UGT1A9: variants seen among roughly 807,000 people sequenced by gnomAD.
The protein encoded by UGT1A9 is UDP glucuronosyltransferase family 1 member A9.
UGT1A9 carries 35 observed loss-of-function variants against 45.0 expected under a neutral mutation model. The observed-to-expected ratio is 0.78, with a 90% CI of 0.59 to 1.03. The LOEUF (loss-of-function observed/expected upper bound fraction) is 1.03. UGT1A9 is among the 50% of genes least tolerant of loss of function. The probability of loss-of-function intolerance (pLI) is 0.00; values close to 1 mark genes in which losing one functional copy is unlikely to be tolerated. For missense variants in UGT1A9, 687 were observed against 666.6 expected (o/e 1.03, Z -0.34); for synonymous variants, 278 against 250.6 (o/e 1.11, Z -1.03).
In UGT1A9 at chr2:233,713,691, C is replaced by T; in HGVS notation, c.855+40902C>T. On this transcript the variant is annotated intron_variant, in intron 1 of 4. Transcript: ENST00000354728. ...TGCTGTTTCTGCTCCTTATGCAAGC[C>T]TTGCCTCTGAGCTTTTTCAGAGAGA... The T allele has an allele frequency of 3.1e-6, 5 of 1,613,942 alleles. 1 individual carries two copies. The South Asian group carries it at 5.5e-5, about 18-fold the overall frequency.
intron 1 of UGT1A9, chr2:233,719,072 G>T (rs148007151): frequency 6.2e-7 from 1 of 1,614,284 alleles, no homozygotes. Context: ...CTGTTCCATG[G>T]ACCCAGAAGG....
chr2:233,747,183 G>A (rs1016025766), intron 1 of UGT1A9: 1 of 1,602,336 alleles, frequency 6.2e-7, no homozygotes, highest in South Asian at 1.1e-5. Flanking sequence ...AGCGTGGGGT[G>A]GACAGTCAGC....
At chr2:233,760,317 A>G (rs772038779) in intron 1 of UGT1A9, 2 of 1,613,898 alleles carry the variant, frequency 1.2e-6, no homozygotes, top group African/African-American at 2.7e-5. Context: ...GCGGACGCCC[A>G]CTTGTCCTGG....
At chr2:233,679,999 T>C (rs1390712998) in intron 1 of UGT1A9, among the ~76,000 whole-genome samples, 3 of 152,198 alleles carry the variant, frequency 2.0e-5, no homozygotes, top group Non-Finnish European at 1.5e-5. Flanking sequence ...TCTTTTCTTC[T>C]CTTTTCTTTC....
chr2:233,760,775 A>G, intron 1 of UGT1A9: 2 of 1,613,738 alleles, frequency 1.2e-6, no homozygotes, highest in Non-Finnish European at 1.7e-6. Context: ...GTGGCCCAGT[A>G]CCTGTCTCTG....
At chr2:233,707,112 T>C (rs542800224) in intron 1 of UGT1A9, among the ~76,000 whole-genome samples, 1 of 152,242 alleles carries the variant, frequency 6.6e-6, no homozygotes, top group South Asian at 2.1e-4. Context: ...ACCCCCAAAA[T>C]ACTCTGCATT....
In UGT1A9 at chr2:233,677,104, G is replaced by A. The variant is rs529994676; in HGVS notation, c.855+4315G>A. ...AAAAATCCTGCTAGGATTTTGATTG[G>A]GATTGTATTTTATTTATAGATCAAC... On this transcript the variant is annotated intron_variant, in intron 1 of 4. Coordinates refer to ENST00000354728, the MANE Select transcript of UGT1A9 (RefSeq NM_021027.3). Among the ~76,000 whole-genome samples, 108 of 151,858 alleles carry A rather than the reference G, an allele frequency of 7.1e-4. 1 individual carries two copies. Among genetic ancestry groups the A allele is most frequent in the African/African-American group, 2.3e-3 (97 of 41,424 alleles).
intron 1 of UGT1A9, chr2:233,721,798 T>C (rs1311334621): frequency 1.9e-6 from 1 of 514,350 alleles, no homozygotes; most frequent in East Asian, 5.5e-5. Flanking sequence ...TTAAAGCACA[T>C]GCAGCAAAAA....
intron 1 of UGT1A9, chr2:233,750,478 T>A (rs1694468358): frequency 1.3e-5 from 2 of 151,902 alleles, no homozygotes. Context: ...GCTATAGAAA[T>A]TTGCATAAGT....
chr2:233,772,660 A>C lies in UGT1A9; in HGVS notation c.*101A>C. Reference sequence around the variant, plus strand: ...AAATTCATTTTATTCTTATTAAGGAAATACTTTGCATAAATTAATCAGCCC... The same window carrying C: ...AAATTCATTTTATTCTTATTAAGGACATACTTTGCATAAATTAATCAGCCC... On this transcript the variant is annotated 3_prime_UTR_variant, in exon 5 of 5. Transcript: ENST00000354728. 1 of 1,542,072 alleles carries C rather than the reference A, an allele frequency of 6.5e-7. No homozygotes were observed. The highest frequency in any genetic ancestry group is 8.7e-7 in the Non-Finnish European group (1 of 1,144,950).
At chr2:233,676,653 C>T (rs1302498831) in intron 1 of UGT1A9, among the ~76,000 whole-genome samples, 1 of 152,156 alleles carries the variant, frequency 6.6e-6, no homozygotes, top group Non-Finnish European at 1.5e-5. Context: ...TTTTTAGTGA[C>T]TTGGGCAGTT....
chr2:233,758,139 G>T (rs553073565), intron 1 of UGT1A9, among the ~76,000 whole-genome samples: 1 of 152,336 alleles, frequency 6.6e-6, no homozygotes, highest in East Asian at 1.9e-4. Flanking sequence ...TGGCAGATGA[G>T]GGAATTAGCA....
At chr2:233,767,960 T>C (rs769330196) in intron 3 of UGT1A9, 24 bp downstream of exon 3, 3 of 1,614,200 alleles carry the variant, frequency 1.9e-6, no homozygotes, top group Non-Finnish European at 2.5e-6. Context: ...ATTGGATGTA[T>C]AGGTCAAACC....
At chr2:233,695,569 C>T (rs7607180) in intron 1 of UGT1A9, among the ~76,000 whole-genome samples, 104 of 151,972 alleles carry the variant, frequency 6.8e-4, no homozygotes, top group African/African-American at 2.2e-3. Context: ...TTTTCACCCC[C>T]CCTTCCCTAC....
chr2:233,744,001 A>T, intron 1 of UGT1A9: 1 of 1,207,940 alleles, frequency 8.3e-7, no homozygotes, highest in Non-Finnish European at 1.1e-6. Context: ...GAGTGCTCGG[A>T]GACCTGGGCC....
chr2:233,760,217 A>G, intron 1 of UGT1A9: 3 of 1,593,674 alleles, frequency 1.9e-6, no homozygotes, highest in Non-Finnish European at 2.6e-6. Context: ...AACTTGGTGT[A>G]TCGATTGGTT....
rs3892170 is a variant in UGT1A9 at position 233,713,766 on chromosome 2, G to C, written c.855+40977G>C. ...CCATGCATCTGTGTGGCTGTTCCGA[G>C]GGGACTTTGTGATGGATTACCCCAG... is the stretch of plus-strand genomic sequence containing the variant. On this transcript the variant is annotated intron_variant, in intron 1 of 4. Transcript: ENST00000354728. The C allele has an allele frequency of 0.091, 144,162 of 1,587,116 alleles. 8,641 individuals are homozygous for C. Among genetic ancestry groups the C allele is most frequent in the South Asian group, 0.18 (15,878 of 87,328 alleles).
At chr2:233,770,243 A>G (rs1307269506) in intron 4 of UGT1A9, 1 of 152,248 alleles carries the variant, frequency 6.6e-6, no homozygotes, top group African/African-American at 2.4e-5. Context: ...CCATGATTCC[A>G]ACACTCTGAG....
intron 1 of UGT1A9, chr2:233,681,793 C>A: frequency 6.8e-7 from 1 of 1,466,224 alleles, no homozygotes; most frequent in South Asian, 1.5e-5. Context: ...ATGAGTAAAT[C>A]ATTGGCAGTG....
Sources: gnomAD v4.1 joint callset for allele counts (sites outside exome capture counted in the v4.1 genomes callset) on GRCh38, gnomAD v4.1.1 for gene constraint, MANE v1.5 for transcripts, NCBI Gene and HGNC (gene_info 2026-07-23, HGNC 2026-07-21) for gene names.